The following KIAA1549L variants were observed in gnomAD, a reference collection of about 807,000 sequenced individuals.
The protein encoded by KIAA1549L is KIAA1549 like, also known as UPF0606 protein KIAA1549L.
Under a neutral mutation model 160.7 loss-of-function variants are expected in KIAA1549L, and 88 were observed. That is an observed-to-expected ratio of 0.55 (90% CI 0.46 to 0.65). The LOEUF (loss-of-function observed/expected upper bound fraction) is 0.65. Among genes scored for constraint, KIAA1549L ranks in the 30% least tolerant of loss-of-function variants. The pLI, the probability that KIAA1549L is intolerant of heterozygous loss-of-function variation, is 0.00. For missense variants in KIAA1549L, 2,258 were observed against 2,437.5 expected, an observed-to-expected ratio of 0.93 and a Z score of 1.55; for synonymous variants, 950 against 976.7, an observed-to-expected ratio of 0.97 and a Z score of 0.51.
chr11:33,446,338 G>T (rs189585067), intron 1 of KIAA1549L, among the ~76,000 whole-genome samples: 89 of 152,154 alleles, frequency 5.8e-4, no homozygotes, highest in African/African-American at 2.0e-3. Context: ...CAAGTAATCC[G>T]CCCATCTCGG....
At chr11:33,599,940 G>A (rs904870401) in intron 13 of KIAA1549L, among the ~76,000 whole-genome samples, 3 of 152,196 alleles carry the variant, frequency 2.0e-5, no homozygotes, top group African/African-American at 7.2e-5. Context: ...GCATAGTGCA[G>A]GGACTCTTTC....
intron 1 of KIAA1549L, among the ~76,000 whole-genome samples, chr11:33,389,757 C>T (rs893011754): frequency 2.6e-5 from 4 of 152,224 alleles, no homozygotes; most frequent in Non-Finnish European, 5.9e-5. Flanking sequence ...GAGTTTGGTA[C>T]AACAGTTCAC....
At chr11:33,602,818 C>CT (rs1323669591) in intron 13 of KIAA1549L, among the ~76,000 whole-genome samples, 3 of 152,138 alleles carry the variant, frequency 2.0e-5, no homozygotes, top group African/African-American at 7.2e-5. Flanking sequence ...CCTATAAAGT[C>CT]TTTTTTAGGG....
chr11:33,476,123 A>G (rs745322420), intron 1 of KIAA1549L, among the ~76,000 whole-genome samples: 2 of 152,234 alleles, frequency 1.3e-5, no homozygotes, highest in Non-Finnish European at 1.5e-5. Context: ...CAGGAAATCT[A>G]TTACTGTGCT....
intron 3 of KIAA1549L, among the ~76,000 whole-genome samples, chr11:33,546,837 G>A (rs528241581): frequency 6.6e-6 from 1 of 152,174 alleles, no homozygotes; most frequent in African/African-American, 2.4e-5. Flanking sequence ...CTATGATAAA[G>A]CTTAATTTAT....
chr11:33,559,086 C>T (rs1005147783), intron 6 of KIAA1549L, among the ~76,000 whole-genome samples: 4 of 152,032 alleles, frequency 2.6e-5, no homozygotes, highest in East Asian at 1.9e-4. Flanking sequence ...GATCTGCCTA[C>T]GTTGGCCTCC....
chr11:33,471,172 C>T (rs969731793), intron 1 of KIAA1549L, among the ~76,000 whole-genome samples: 2 of 151,852 alleles, frequency 1.3e-5, no homozygotes, highest in African/African-American at 4.8e-5. Context: ...CATTACTGCC[C>T]CTCAACTTTT....
chr11:33,618,980 C>T (rs1564927102), intron 16 of KIAA1549L, among the ~76,000 whole-genome samples: 1 of 152,134 alleles, frequency 6.6e-6, no homozygotes, highest in Non-Finnish European at 1.5e-5. Flanking sequence ...TCAGCAGGGA[C>T]CACGGCCATG....
chr11:33,650,825 T>C lies in KIAA1549L; in HGVS notation c.5760+4789T>C, dbSNP rs138760250. ...TAAAGGCACTTCTGGTCTACTTCCATACCACCATACTCTTCTTTTCCTGCA... is the reference window on the plus strand; with the variant it reads ...TAAAGGCACTTCTGGTCTACTTCCACACCACCATACTCTTCTTTTCCTGCA... On this transcript the variant is annotated intron_variant, in intron 17 of 20. Coordinates refer to ENST00000658780, the MANE Select transcript of KIAA1549L (RefSeq NM_012194.3). 9.3e-3 allele frequency among the ~76,000 whole-genome samples: 1,414 copies of C among 152,322 alleles called. 22 individuals are homozygous for C. Among genetic ancestry groups the C allele is most frequent in the South Asian group, 0.044 (213 of 4,826 alleles).
chr11:33,555,367 GGAA>G (rs1854612924), intron 6 of KIAA1549L, among the ~76,000 whole-genome samples: 1 of 152,144 alleles, frequency 6.6e-6, no homozygotes, highest in Non-Finnish European at 1.5e-5. Context: ...ATCTTGAAAA[GGAA>G]GAACGAAGTT....
chr11:33,427,065 G>A (rs1026067770), intron 1 of KIAA1549L, among the ~76,000 whole-genome samples: 6 of 152,104 alleles, frequency 3.9e-5, no homozygotes, highest in African/African-American at 7.2e-5. Context: ...CTAAATGGGC[G>A]GTAGAAAACC....
At chr11:33,534,641 T>C (rs1044453656) in intron 1 of KIAA1549L, among the ~76,000 whole-genome samples, 13 of 152,214 alleles carry the variant, frequency 8.5e-5, no homozygotes, top group African/African-American at 2.7e-4. Flanking sequence ...TCAATGCGTT[T>C]GCTGGTGTGG....
At chr11:33,550,055 C>T (rs1279350328) in intron 4 of KIAA1549L, among the ~76,000 whole-genome samples, 1 of 134,342 alleles carries the variant, frequency 7.4e-6, no homozygotes, top group Non-Finnish European at 1.6e-5. Flanking sequence ...AAAAAAAAAA[C>T]ACAAAATGAA....
chr11:33,595,862 G>T (rs1850185450), intron 12 of KIAA1549L, among the ~76,000 whole-genome samples: 1 of 152,116 alleles, frequency 6.6e-6, no homozygotes, highest in Non-Finnish European at 1.5e-5. Context: ...CAATTTTTAT[G>T]AATTATTTTA....
At chr11:33,628,721 G>A (rs1427490337) in intron 16 of KIAA1549L, among the ~76,000 whole-genome samples, 1 of 149,148 alleles carries the variant, frequency 6.7e-6, no homozygotes, top group Non-Finnish European at 1.5e-5. Flanking sequence ...CACACTGATG[G>A]GTCTTGACTC....
intron 15 of KIAA1549L, among the ~76,000 whole-genome samples, chr11:33,614,906 G>A (rs1170199084): frequency 6.6e-6 from 1 of 151,626 alleles, no homozygotes; most frequent in Non-Finnish European, 1.5e-5. Flanking sequence ...CCACAGTGCC[G>A]GGCCTCAAGC....
At chr11:33,426,390 A>G (rs1851116641) in intron 1 of KIAA1549L, among the ~76,000 whole-genome samples, 1 of 152,170 alleles carries the variant, frequency 6.6e-6, no homozygotes, top group Non-Finnish European at 1.5e-5. Flanking sequence ...TAGGAGCTAG[A>G]AAGACCAATT....
At position 33,628,718 on chromosome 11, in the gene KIAA1549L, A is replaced by G. The variant is rs1187018233; in HGVS notation, c.5409+10056A>G. ...TGGGTTTCCTGAATACAGCACACTG[A>G]TGGGTCTTGACTCTTTATCCAATTT... On this transcript the variant is annotated intron_variant, in intron 16 of 20. Coordinates refer to ENST00000658780, the MANE Select transcript of KIAA1549L (RefSeq NM_012194.3). Among the ~76,000 whole-genome samples, 8 of 149,358 alleles carry G rather than the reference A, an allele frequency of 5.4e-5. No individual in the cohort carries two copies. In the East Asian group the frequency reaches 1.4e-3, roughly 25 times the overall value.
At chr11:33,507,504 A>G (rs919136379) in intron 1 of KIAA1549L, among the ~76,000 whole-genome samples, 14 of 152,334 alleles carry the variant, frequency 9.2e-5, no homozygotes, top group African/African-American at 2.6e-4. Flanking sequence ...GATGACGACA[A>G]TGGAATTGGA....
Sources: allele counts gnomAD v4.1 joint callset (sites outside exome capture counted in the v4.1 genomes callset), GRCh38; gene constraint gnomAD v4.1.1; transcripts MANE v1.5; gene names NCBI Gene and HGNC (gene_info 2026-07-23, HGNC 2026-07-21).